Variants in COQ6 observed in about 807,000 individuals in gnomAD.
The protein encoded by COQ6 is ubiquinone biosynthesis monooxygenase COQ6, mitochondrial.
A neutral mutation model predicts 55.5 loss-of-function variants in COQ6; 45 were observed. That is an observed-to-expected ratio of 0.81 (90% confidence interval 0.64 to 1.04). The LOEUF is 1.04. Among genes scored for constraint, COQ6 ranks in the 50% least tolerant of loss-of-function variants. COQ6 has a pLI of 0.00. For synonymous variants in COQ6, 206 were observed against 230.5 expected, an observed-to-expected ratio of 0.89 and a Z score of 0.96; for missense variants, 550 against 601.3, an observed-to-expected ratio of 0.91 and a Z score of 0.89.
chr14:73,951,649 ATTT>A (rs35049412), intron 1 of COQ6, among the ~76,000 whole-genome samples: 1 of 135,694 alleles, frequency 7.4e-6, no homozygotes, highest in African/African-American at 2.8e-5. Context: ...TTTTTTTGTG[ATTT>A]TTTTTTTTTT....
Position 73,955,320 on chromosome 14 carries a change from C to T in COQ6, c.299-131C>T, listed in dbSNP as rs1425855089. On this transcript the variant is annotated intron_variant, in intron 2 of 11. Transcript: ENST00000334571. Reference sequence around the variant, plus strand: ...AACAGAGTAGCTTAGGTACTAACATCAAACAAGATAGAAGTGGAGAGTATT... The same window carrying T: ...AACAGAGTAGCTTAGGTACTAACATTAAACAAGATAGAAGTGGAGAGTATT... 7 of 768,908 alleles carry T rather than the reference C, an allele frequency of 9.1e-6. No homozygotes were observed. In the South Asian group the frequency reaches 9.9e-5, roughly 11 times the overall value. 47.6% of individuals were successfully genotyped at this position (768,908 alleles called of 1,614,324 possible).
rs1384505976 is a variant in COQ6 at position 73,955,469 on chromosome 14, A to G, written c.317A>G (p.His106Arg). Reference protein sequence around the residue: ...TLLSSFGAWDHICNMRYRAFR... With the variant: ...TLLSSFGAWDRICNMRYRAFR... The stretch of plus-strand genomic sequence containing the variant: ...TTTGTAGGTTTTGGTGCCTGGGACC[A>G]TATCTGCAACATGAGATACAGAGCC... The change falls in exon 3 of 12, where the codon CAT becomes CGT. Residue 106 changes from histidine to arginine, a missense_variant. By Grantham distance (29) the His-to-Arg change is conservative. Transcript: ENST00000334571. 1.2e-6 allele frequency: 2 copies of G among 1,614,166 alleles called. No individual in the cohort carries two copies. The highest frequency in any genetic ancestry group is 1.7e-5 in the Admixed American group (1 of 60,014).
At chr14:73,953,979 C>G (rs771748585) in intron 2 of COQ6, among the ~76,000 whole-genome samples, 3 of 152,160 alleles carry the variant, frequency 2.0e-5, no homozygotes, top group African/African-American at 4.8e-5. Context: ...ATAATGTGTG[C>G]ACATGGAACC....
At chr14:73,954,936 C>CTTTTTTTTTTTTTTTTT (rs35787543) in intron 2 of COQ6, among the ~76,000 whole-genome samples, 11 of 126,176 alleles carry the variant, frequency 8.7e-5, no homozygotes, top group Non-Finnish European at 1.3e-4. Context: ...GAAGCTGAGT[C>CTTTTTTTTTTTTTTTTT]TTTTTTTTTT....
Position 73,955,694 on chromosome 14 carries a change from G to A in COQ6, c.358-111G>A, listed in dbSNP as rs1424865582. 35 of 1,528,934 alleles carry A rather than the reference G, an allele frequency of 2.3e-5. No homozygotes were observed. In the Admixed American group the frequency reaches 3.5e-4, roughly 15 times the overall value. The allele number at this position is 1,528,934 out of a possible 1,614,324, so 94.7% of individuals were successfully genotyped here. A position where few individuals can be genotyped will look rare whatever the true frequency, so the allele number is the denominator to read the frequency against. On this transcript the variant is annotated intron_variant, in intron 3 of 11. Transcript: ENST00000334571. ...TCATTTTATATTTTCCTACCAGAGA[G>A]GCTGACAAATTGTGATTTTCTGCTC... is the stretch of plus-strand genomic sequence containing the variant.
At position 73,955,520 on chromosome 14, in the gene COQ6, A is replaced by G. The variant is rs1336704071; in HGVS notation, c.357+11A>G. Reference sequence around the variant, plus strand: ...TTTCGGCGAATGCAGGTGCCCCTTTATCTTTTCAATTTTGTCAAGATGTCT... The same window carrying G: ...TTTCGGCGAATGCAGGTGCCCCTTTGTCTTTTCAATTTTGTCAAGATGTCT... On this transcript the variant is annotated intron_variant, in intron 3 of 11. Coordinates refer to ENST00000334571, the MANE Select transcript of COQ6 (RefSeq NM_182476.3). 2.5e-6 allele frequency: 4 copies of G among 1,613,202 alleles called. No individual in the cohort carries two copies. Among genetic ancestry groups the G allele is most frequent in the Non-Finnish European group, 3.4e-6 (4 of 1,179,174 alleles).
intron 4 of COQ6, 97 bp downstream of exon 4, chr14:73,956,025 A>G: frequency 1.3e-6 from 2 of 1,567,350 alleles, no homozygotes; most frequent in Non-Finnish European, 1.7e-6. Flanking sequence ...AGTGTCCACC[A>G]TAAAGAAATC....
intron 1 of COQ6, 109 bp from the exon 2 acceptor site, chr14:73,953,324 CTG>C (rs2056271854): frequency 6.1e-6 from 6 of 983,938 alleles, no homozygotes; most frequent in Non-Finnish European, 9.6e-6. Context: ...TTTATGTTCT[CTG>C]TAAGAAATTC....
In COQ6 at chr14:73,961,874, C is replaced by CA; in HGVS notation, c.1349dup (p.Ala451GlyfsTer50). 2 of 1,614,172 alleles carry CA rather than the reference C, an allele frequency of 1.2e-6. No homozygotes were observed. Among genetic ancestry groups the CA allele is most frequent in the Non-Finnish European group, 1.7e-6 (2 of 1,180,038 alleles). On this transcript the variant is annotated frameshift_variant, in exon 11 of 12. Transcript: ENST00000334571. LOFTEE classifies it high-confidence loss of function. Reference sequence around the variant, plus strand: ...TGTGTTGCTCAGGACGTGGGGCTTGCAGGCCACAAATGCAGTGTCTCCACT... The same window carrying CA: ...TGTGTTGCTCAGGACGTGGGGCTTGCAAGGCCACAAATGCAGTGTCTCCACT...
chr14:73,957,259 A>G (rs1753738507), intron 4 of COQ6, among the ~76,000 whole-genome samples: 1 of 151,790 alleles, frequency 6.6e-6, no homozygotes, highest in Non-Finnish European at 1.5e-5. Flanking sequence ...CACCGTGCCC[A>G]GCTAATTATT....
At chr14:73,961,054 G>A (rs2056698874) in intron 8 of COQ6, 119 bp from the exon 9 acceptor site, 2 of 1,141,688 alleles carry the variant, frequency 1.8e-6, no homozygotes, top group Non-Finnish European at 2.5e-6. Context: ...CAAGATCAGT[G>A]TAGGCAAGTT....
chr14:73,961,701 T>C (rs770426228), intron 10 of COQ6, 36 bp from the exon 11 acceptor site: 37 of 1,613,156 alleles, frequency 2.3e-5, no homozygotes, highest in Non-Finnish European at 3.1e-5. Flanking sequence ...AACCTTATTA[T>C]TGGATTAGGG....
intron 2 of COQ6, chr14:73,953,870 T>A (rs1268615541): frequency 8.5e-6 from 4 of 469,474 alleles, no homozygotes; most frequent in Non-Finnish European, 1.6e-5. Context: ...GAACTAATCA[T>A]GAACATTCAC....
rs145772659 is a variant in COQ6, at chr14:73,955,366, A to G, written c.299-85A>G. 2.6e-4 allele frequency: 256 copies of G among 976,572 alleles called. No individual in the cohort carries two copies. The African/African-American group carries it at 3.9e-3, about 15-fold the overall frequency. The allele number at this position is 976,572 out of a possible 1,614,324, so 60.5% of individuals were successfully genotyped here. ...GTATTATTGAAGAACACTGAAAACA[A>G]CCTCTTACGTAACAGGATGGAGGGA... On this transcript the variant is annotated intron_variant, in intron 2 of 11. Coordinates refer to ENST00000334571, the MANE Select transcript of COQ6 (RefSeq NM_182476.3).
intron 8 of COQ6, chr14:73,960,112 C>T (rs184295614): frequency 2.0e-6 from 2 of 998,778 alleles, no homozygotes; most frequent in African/African-American, 1.7e-5. Flanking sequence ...TTATTTTGAA[C>T]AGTTCTGCTA....
chr14:73,957,606 T>G (rs2056503974), intron 4 of COQ6, among the ~76,000 whole-genome samples: 1 of 152,054 alleles, frequency 6.6e-6, no homozygotes, highest in Non-Finnish European at 1.5e-5. Context: ...CCTGGTTAAT[T>G]TTTTGTAAAG....
chr14:73,960,347 ATAC>A, intron 8 of COQ6: 1 of 987,044 alleles, frequency 1.0e-6, no homozygotes, highest in Non-Finnish European at 1.2e-6. Flanking sequence ...TGCTCAACAA[ATAC>A]TAATAATTCT....
intron 8 of COQ6, chr14:73,959,792 A>T: frequency 8.0e-7 from 1 of 1,247,804 alleles, no homozygotes; most frequent in Non-Finnish European, 1.0e-6. Flanking sequence ...CTGGTCTCAA[A>T]CTCCTGACCT....
chr14:73,960,753 A>G (rs1015552162), intron 8 of COQ6: 1 of 436,216 alleles, frequency 2.3e-6, no homozygotes, highest in South Asian at 2.4e-5. Context: ...ACAGGGGGGA[A>G]ACACAGAGAA....
Sources: gnomAD v4.1 joint callset for allele counts (sites outside exome capture counted in the v4.1 genomes callset) on GRCh38, gnomAD v4.1.1 for gene constraint, MANE v1.5 for transcripts, NCBI Gene and HGNC (gene_info 2026-07-23, HGNC 2026-07-21) for gene names.